CECR2: variants seen among roughly 807,000 people sequenced by gnomAD.
CECR2 encodes the protein CECR2 histone acetyl-lysine reader.
A neutral mutation model predicts 154.5 loss-of-function variants in CECR2; 30 were observed. The observed-to-expected ratio is 0.19, with a 90% CI of 0.15 to 0.26. CECR2 has a LOEUF of 0.26. CECR2 is among the 10% of genes least tolerant of loss of function. The probability of loss-of-function intolerance (pLI) is 1.00; values close to 1 mark genes in which losing one functional copy is unlikely to be tolerated. For synonymous variants in CECR2, 725 were observed against 683.7 expected, an observed-to-expected ratio of 1.06 and a Z score of -0.94; for missense variants, 1,743 against 1,829.3, an observed-to-expected ratio of 0.95 and a Z score of 0.86.
At position 17,557,174 on chromosome 22, in the gene CECR2, A is replaced by T. The variant is rs2056783282; in HGVS notation, c.*4334A>T. ...TTTTTTTTTTTTTTTTTGAGACGAA[A>T]TCTTGCTCTTGTCCCCCAGACTGGA... is the stretch of plus-strand genomic sequence containing the variant. On this transcript the variant is annotated 3_prime_UTR_variant, in exon 19 of 19. Coordinates refer to ENST00000262608, the MANE Select transcript of CECR2 (RefSeq NM_001290047.2). 1.5e-5 allele frequency: 2 copies of T among 133,380 alleles called. No homozygotes were observed. Among genetic ancestry groups the T allele is most frequent in the Non-Finnish European group, 1.6e-5 (1 of 63,930 alleles). 8.3% of individuals were successfully genotyped at this position (133,380 alleles called of 1,614,324 possible). A position where few individuals can be genotyped will look rare whatever the true frequency, so the allele number is the denominator to read the frequency against.
At chr22:17,511,086 G>A (rs973876554) in intron 7 of CECR2, among the ~76,000 whole-genome samples, 7 of 152,174 alleles carry the variant, frequency 4.6e-5, no homozygotes, top group Admixed American at 6.5e-5. Context: ...CGGAAGTCAC[G>A]GAAGTTATGT....
chr22:17,516,820 C>T (rs1037477736), intron 8 of CECR2, among the ~76,000 whole-genome samples: 2 of 151,292 alleles, frequency 1.3e-5, no homozygotes, highest in Admixed American at 1.3e-4. Context: ...TCTTGAACAC[C>T]CGACCTCAGG....
At chr22:17,437,870 A>G (rs1002601044) in intron 1 of CECR2, among the ~76,000 whole-genome samples, 1 of 152,202 alleles carries the variant, frequency 6.6e-6, no homozygotes, top group Non-Finnish European at 1.5e-5. Flanking sequence ...TATAGTGTGA[A>G]TGTTAACCAA....
At chr22:17,506,225 A>C (rs55782745) in intron 7 of CECR2, among the ~76,000 whole-genome samples, 18,587 of 151,910 alleles carry the variant, frequency 0.12, 1,259 homozygotes, top group Non-Finnish European at 0.16. Flanking sequence ...CTGCAGCCTC[A>C]ATCTCCCAGG....
chr22:17,497,159 G>A (rs2055644803), intron 2 of CECR2, among the ~76,000 whole-genome samples: 2 of 152,076 alleles, frequency 1.3e-5, no homozygotes, highest in African/African-American at 4.8e-5. Context: ...GCTGGGTGTG[G>A]TGGTGCATGC....
At chr22:17,421,999 GT>G (rs2054262214) in intron 1 of CECR2, among the ~76,000 whole-genome samples, 1 of 151,568 alleles carries the variant, frequency 6.6e-6, no homozygotes, top group Admixed American at 6.6e-5. Context: ...AGGTTGGTGG[GT>G]TTTTTCTCAT....
intron 1 of CECR2, among the ~76,000 whole-genome samples, chr22:17,397,970 T>C (rs1242396393): frequency 6.6e-6 from 1 of 152,144 alleles, no homozygotes; most frequent in Non-Finnish European, 1.5e-5. Flanking sequence ...TCCTGTTGGA[T>C]TGTTCATGCA....
At chr22:17,371,201 A>G (rs775865705) in intron 1 of CECR2, among the ~76,000 whole-genome samples, 25 of 152,210 alleles carry the variant, frequency 1.6e-4, no homozygotes, top group Non-Finnish European at 2.9e-4. Flanking sequence ...CTCTCGTCGC[A>G]GTTAATGAAA....
At chr22:17,473,970 A>G (rs781263710) in intron 1 of CECR2, among the ~76,000 whole-genome samples, 3 of 152,204 alleles carry the variant, frequency 2.0e-5, no homozygotes, top group Non-Finnish European at 4.4e-5. Flanking sequence ...TTGATAGAAC[A>G]TTCTTCCTCT....
At chr22:17,426,856 G>A (rs1390723160) in intron 1 of CECR2, among the ~76,000 whole-genome samples, 1 of 151,954 alleles carries the variant, frequency 6.6e-6, no homozygotes, top group Non-Finnish European at 1.5e-5. Flanking sequence ...TTTATGTTGG[G>A]GGAACACAAA....
chr22:17,517,246 ATCTC>A (rs35048606), intron 8 of CECR2, among the ~76,000 whole-genome samples: 21,641 of 152,104 alleles, frequency 0.14, 1,952 homozygotes, highest in Non-Finnish European at 0.2. Context: ...TTCTGGCTCT[ATCTC>A]TCTTGCTTCG....
intron 8 of CECR2, among the ~76,000 whole-genome samples, chr22:17,516,536 A>G (rs1298772851): frequency 2.6e-5 from 4 of 152,128 alleles, no homozygotes; most frequent in Non-Finnish European, 5.9e-5. Context: ...GTGATGAATC[A>G]TGGGATGGAC....
At chr22:17,369,412 G>GCGGCCCCTCCCCCAGGCCCCGCGTC (rs1296166069), upstream of CECR2, 3 of 151,082 alleles carry the variant, frequency 2.0e-5, no homozygotes, top group Non-Finnish European at 4.4e-5. Context: ...CTCCTCGTGG[G>GCGGCCCCTCCCCCAGGCCCCGCGTC]CGGCCCCTCC....
At chr22:17,538,935 C>T (rs1291322158) in intron 12 of CECR2, 58 bp from the exon 13 acceptor site, 3 of 1,568,740 alleles carry the variant, frequency 1.9e-6, no homozygotes, top group Non-Finnish European at 2.6e-6. Context: ...CTCTCTCTCT[C>T]TATGGAATGT....
intron 1 of CECR2, among the ~76,000 whole-genome samples, chr22:17,414,213 C>G (rs1474310603): frequency 1.3e-5 from 2 of 152,106 alleles, no homozygotes; most frequent in Non-Finnish European, 2.9e-5. Context: ...ACCTCGTGAT[C>G]CGCCCGCCTT....
intron 5 of CECR2, among the ~76,000 whole-genome samples, chr22:17,502,755 A>G (rs1341689674): frequency 1.3e-5 from 2 of 152,230 alleles, no homozygotes; most frequent in Non-Finnish European, 2.9e-5. Context: ...GTGAGCTGAA[A>G]TCGCGCCATT....
At chr22:17,511,601 C>T (rs2055954638) in intron 7 of CECR2, among the ~76,000 whole-genome samples, 1 of 151,348 alleles carries the variant, frequency 6.6e-6, no homozygotes, top group Non-Finnish European at 1.5e-5. Context: ...TGTTTGTCTC[C>T]AAGTTTTTGT....
chr22:17,462,551 A>C (rs2054958736), intron 1 of CECR2, among the ~76,000 whole-genome samples: 2 of 152,170 alleles, frequency 1.3e-5, no homozygotes, highest in Admixed American at 1.3e-4. Flanking sequence ...TTAATTGGGC[A>C]GAGGTTTAGT....
At chr22:17,530,309 A>G (rs945567237) in intron 9 of CECR2, among the ~76,000 whole-genome samples, 1 of 151,888 alleles carries the variant, frequency 6.6e-6, no homozygotes, top group African/African-American at 2.4e-5. Flanking sequence ...ACATGACTGC[A>G]TACTTTCAAG....
Sources: allele counts gnomAD v4.1 joint callset (sites outside exome capture counted in the v4.1 genomes callset), GRCh38; gene constraint gnomAD v4.1.1; transcripts MANE v1.5; gene names NCBI Gene and HGNC (gene_info 2026-07-23, HGNC 2026-07-21).